The following HEXIM1 variants were observed in gnomAD, a reference collection of about 807,000 sequenced individuals.
HEXIM1 encodes protein HEXIM1.
HEXIM1 carries 1 observed loss-of-function variant against 30.3 expected under a neutral mutation model. That is an observed-to-expected ratio of 0.03 (90% CI 0.01 to 0.16). HEXIM1 has a LOEUF of 0.16. Among genes scored for constraint, HEXIM1 ranks in the 10% least tolerant of loss-of-function variants. HEXIM1 has a pLI of 1.00. For missense variants in HEXIM1, 391 were observed against 476.4 expected (o/e 0.82, Z 1.67); for synonymous variants, 245 against 208.3 (o/e 1.18, Z -1.52).
At position 45,149,880 on chromosome 17, in the gene HEXIM1, C is replaced by T. The variant is rs1310051747; in HGVS notation, c.690C>T (p.Ala230=). ...LKTGLYSKRA[A]AKSDDTSDDD... ...CCGGCCTGTACTCCAAGCGGGCCGC[C>T]GCCAAATCCGACGACACCAGCGATG... The change falls in exon 1 of 1, where the codon GCC becomes GCT. Residue 230 remains alanine, a synonymous_variant. Coordinates refer to ENST00000332499, the MANE Select transcript of HEXIM1 (RefSeq NM_006460.3). This position sits in a 1 kb window ranked among gnomAD's most constrained non-coding sequence, Gnocchi z 5.3. The T allele has an allele frequency of 1.2e-6, 2 of 1,613,564 alleles. No homozygotes were observed. Among genetic ancestry groups the T allele is most frequent in the Non-Finnish European group, 1.7e-6 (2 of 1,180,020 alleles).
chr17:45,150,255 C>T lies in HEXIM1; in HGVS notation c.1065C>T (p.Ser355=), dbSNP rs1008422009. 1.2e-6 allele frequency: 2 copies of T among 1,608,848 alleles called. No individual in the cohort carries two copies. The highest frequency in any genetic ancestry group is 1.7e-6 in the Non-Finnish European group (2 of 1,176,606). ...GGCAGCAGGAGCGAGCGCCGCTTTC[C>T]AAGTTTGGAGACTAGACTGAAACTT... is the stretch of plus-strand genomic sequence containing the variant. ...LHRQQERAPL[S]KFGD is the part of the protein sequence containing the mutation. Residue 355 remains serine (S), a synonymous_variant, in exon 1 of 1, where the codon TCC becomes TCT. Coordinates refer to ENST00000332499, the MANE Select transcript of HEXIM1 (RefSeq NM_006460.3).
In HEXIM1 at chr17:45,149,837, A is replaced by G. The variant is rs908824824; in HGVS notation, c.647A>G (p.Glu216Gly). 42 of 1,613,698 alleles carry G rather than the reference A, an allele frequency of 2.6e-5. No individual in the cohort carries two copies. The highest frequency in any genetic ancestry group is 3.6e-5 in the Non-Finnish European group (42 of 1,179,998). ...TQFLMDDHDQ[E>G]EPDLKTGLYS... ...TTCCTCATGGATGATCACGACCAGG[A>G]GGAGCCGGATCTCAAAACCGGCCTG... Residue 216 changes from glutamate (E) to glycine (G), a missense_variant, in exon 1 of 1, where the codon GAG becomes GGG. Coordinates refer to ENST00000332499, the MANE Select transcript of HEXIM1 (RefSeq NM_006460.3). This position sits in a 1 kb window ranked among gnomAD's most constrained non-coding sequence, Gnocchi z 5.3.
chr17:45,149,856 C>T lies in HEXIM1; in HGVS notation c.666C>T (p.Thr222=), dbSNP rs769841685. ...DHDQEEPDLK[T]GLYSKRAAAK... ...ACCAGGAGGAGCCGGATCTCAAAACCGGCCTGTACTCCAAGCGGGCCGCCG... is the reference window on the plus strand; with the variant it reads ...ACCAGGAGGAGCCGGATCTCAAAACTGGCCTGTACTCCAAGCGGGCCGCCG... The change falls in exon 1 of 1, where the codon ACC becomes ACT. Residue 222 remains threonine (T), a synonymous_variant. Coordinates refer to ENST00000332499, the MANE Select transcript of HEXIM1 (RefSeq NM_006460.3). The surrounding 1 kb of genome is among the most constrained non-coding windows in gnomAD (Gnocchi z 5.3). 2 of 1,613,636 alleles carry T rather than the reference C, an allele frequency of 1.2e-6. No individual in the cohort carries two copies. Among genetic ancestry groups the T allele is most frequent in the South Asian group, 1.1e-5 (1 of 91,080 alleles).
chr17:45,149,490 C>A lies in HEXIM1; in HGVS notation c.300C>A (p.Gly100=). 6.2e-7 allele frequency: 1 copy of A among 1,610,120 alleles called. No individual in the cohort carries two copies. Among genetic ancestry groups the A allele is most frequent in the Non-Finnish European group, 8.5e-7 (1 of 1,178,798 alleles). The change falls in exon 1 of 1, where the codon GGC becomes GGA. Residue 100 remains glycine, a synonymous_variant. Transcript: ENST00000332499. This position sits in a 1 kb window ranked among gnomAD's most constrained non-coding sequence, Gnocchi z 5.3. ...KGQNGDDSSA[G]GDFPPPAEVE... is the part of the protein sequence containing the mutation. ...AGAATGGGGACGACTCGTCCGCTGG[C>A]GGCGACTTCCCGCCGCCGGCAGAAG...
rs1567917516 is a variant in HEXIM1, at chr17:45,148,922, T to C, written c.-269T>C. The C allele has an allele frequency of 4.3e-6, 2 of 470,146 alleles. No homozygotes were observed. Among genetic ancestry groups the C allele is most frequent in the East Asian group, 6.4e-5 (2 of 31,346 alleles). The allele number at this position is 470,146 out of a possible 1,614,324, so 29.1% of individuals were successfully genotyped here. A position where few individuals can be genotyped will look rare whatever the true frequency, so the allele number is the denominator to read the frequency against. ...AGGTTTGAGGCCCACCTCCGCCCAT[T>C]ACGTACTGTTCCTGCCGCTGCACCC... On this transcript the variant is annotated 5_prime_UTR_variant, in exon 1 of 1. Coordinates refer to ENST00000332499, the MANE Select transcript of HEXIM1 (RefSeq NM_006460.3).
At position 45,150,549 on chromosome 17, in the gene HEXIM1, T is replaced by A; in HGVS notation, c.*279T>A. 2.5e-6 allele frequency: 1 copy of A among 393,550 alleles called. No individual in the cohort carries two copies. The allele number at this position is 393,550 out of a possible 1,614,324, so 24.4% of individuals were successfully genotyped here. ...ATTTGACCAAGTTATAATGCATTTT[T>A]GTTTTTAACAAATCCCCTCCTTAAA... is the stretch of plus-strand genomic sequence containing the variant. On this transcript the variant is annotated 3_prime_UTR_variant, in exon 1 of 1. Transcript: ENST00000332499.
In HEXIM1 at chr17:45,149,922, A is replaced by G; in HGVS notation, c.732A>G (p.Glu244=). 6.2e-7 allele frequency: 1 copy of G among 1,613,772 alleles called. No individual in the cohort carries two copies. Among genetic ancestry groups the G allele is most frequent in the Non-Finnish European group, 8.5e-7 (1 of 1,180,010 alleles). The change falls in exon 1 of 1, where the codon GAA becomes GAG. Residue 244 remains glutamate, a synonymous_variant. Coordinates refer to ENST00000332499, the MANE Select transcript of HEXIM1 (RefSeq NM_006460.3). The surrounding 1 kb of genome is among the most constrained non-coding windows in gnomAD (Gnocchi z 5.3). ...DDTSDDDFME[E]GGEEDGGSDG... is the part of the protein sequence containing the mutation. ...CCAGCGATGACGACTTCATGGAAGA[A>G]GGGGGTGAGGAGGATGGGGGCAGCG...
chr17:45,149,926 G>T lies in HEXIM1; in HGVS notation c.736G>T (p.Gly246Cys). 1 of 1,613,902 alleles carries T rather than the reference G, an allele frequency of 6.2e-7. No homozygotes were observed. Among genetic ancestry groups the T allele is most frequent in the Non-Finnish European group, 8.5e-7 (1 of 1,180,022 alleles). The change falls in exon 1 of 1, where the codon GGT becomes TGT. Residue 246 changes from glycine (G) to cysteine (C), a missense_variant. Physicochemically the swap from Gly to Cys is radical, Grantham distance 159. Transcript: ENST00000332499. The surrounding 1 kb of genome is among the most constrained non-coding windows in gnomAD (Gnocchi z 5.3). ...TSDDDFMEEG[G>C]EEDGGSDGMG... ...CGATGACGACTTCATGGAAGAAGGG[G>T]GTGAGGAGGATGGGGGCAGCGATGG... is the stretch of plus-strand genomic sequence containing the variant.
Position 45,150,378 on chromosome 17 carries a change from CAGAAG to C in HEXIM1, c.*113_*117del. On this transcript the variant is annotated 3_prime_UTR_variant, in exon 1 of 1. Transcript: ENST00000332499. ...AGTGGACCTTTTTATGACACATAAT[CAGAAG>C]AGAAATCCCCCTGGCTTTGGTTTCG... The C allele has an allele frequency of 7.4e-7, 1 of 1,357,316 alleles. No homozygotes were observed. The highest frequency in any genetic ancestry group is 9.9e-7 in the Non-Finnish European group (1 of 1,008,480). 84.1% of individuals were successfully genotyped at this position (1,357,316 alleles called of 1,614,324 possible).
In HEXIM1 at chr17:45,149,111, CTTT is replaced by C; in HGVS notation, c.-74_-72del. The C allele has an allele frequency of 4.3e-6, 4 of 935,048 alleles. No individual in the cohort carries two copies. The highest frequency in any genetic ancestry group is 5.9e-6 in the Non-Finnish European group (4 of 676,080). 57.9% of individuals were successfully genotyped at this position (935,048 alleles called of 1,614,324 possible). ...GTTGGACTGTTTTTTTTTTCTTTTTCTTTTTTTTAAGAAAAACCCATTTTTTTC... is the reference window on the plus strand; with the variant it reads ...GTTGGACTGTTTTTTTTTTCTTTTTCTTTTTAAGAAAAACCCATTTTTTTC... On this transcript the variant is annotated 5_prime_UTR_variant, in exon 1 of 1. Coordinates refer to ENST00000332499, the MANE Select transcript of HEXIM1 (RefSeq NM_006460.3). This position sits in a 1 kb window ranked among gnomAD's most constrained non-coding sequence, Gnocchi z 5.3.
Position 45,150,500 on chromosome 17 carries a change from GT to G in HEXIM1, c.*237del, listed in dbSNP as rs923104639. 2.3e-5 allele frequency: 12 copies of G among 515,134 alleles called. No homozygotes were observed. Among genetic ancestry groups the G allele is most frequent in the Non-Finnish European group, 3.1e-5 (9 of 291,578 alleles). 31.9% of individuals were successfully genotyped at this position (515,134 alleles called of 1,614,324 possible). ...GCTTTTCTTGTTTTCCTTTTTAGAA[GT>G]TTTTTTCCTTAATGTGAAAGTAATT... On this transcript the variant is annotated 3_prime_UTR_variant, in exon 1 of 1. Coordinates refer to ENST00000332499, the MANE Select transcript of HEXIM1 (RefSeq NM_006460.3).
rs768564155 is a variant in HEXIM1 at position 45,150,316 on chromosome 17, G to A, written c.*46G>A. 2 of 1,582,764 alleles carry A rather than the reference G, an allele frequency of 1.3e-6. No individual in the cohort carries two copies. The highest frequency in any genetic ancestry group is 2.7e-5 in the African/African-American group (2 of 73,890). ...GGGGGCAAAGGGGACTTTTTACAGT[G>A]ATGGAATGTAACATTATATACATGT... On this transcript the variant is annotated 3_prime_UTR_variant, in exon 1 of 1. Transcript: ENST00000332499.
rs182433198 is a variant in HEXIM1, at chr17:45,151,368, C to T, written c.*1098C>T. Reference sequence around the variant, plus strand: ...AACTAAAATTAGAAATGTCCCCTCACTGCAGATCAAATGTAAAGCTTCCAG... The same window carrying T: ...AACTAAAATTAGAAATGTCCCCTCATTGCAGATCAAATGTAAAGCTTCCAG... On this transcript the variant is annotated 3_prime_UTR_variant, in exon 1 of 1. Transcript: ENST00000332499. 2 of 167,136 alleles carry T rather than the reference C, an allele frequency of 1.2e-5. No homozygotes were observed. Among genetic ancestry groups the T allele is most frequent in the East Asian group, 3.8e-4 (2 of 5,198 alleles). The allele number at this position is 167,136 out of a possible 1,614,324, so 10.4% of individuals were successfully genotyped here.
In HEXIM1 at chr17:45,149,627, G is replaced by C. The variant is rs756961690; in HGVS notation, c.437G>C (p.Arg146Thr). The C allele has an allele frequency of 1.2e-6, 2 of 1,613,166 alleles. No individual in the cohort carries two copies. The highest frequency in any genetic ancestry group is 2.2e-5 in the South Asian group (2 of 91,074). ...GGEEEWGQQQ[R>T]QLGKKKHRRR... ...GAAGAGGAGTGGGGACAGCAGCAGA[G>C]ACAGCTGGGGAAGAAAAAACATAGG... The change falls in exon 1 of 1, where the codon AGA becomes ACA. Residue 146 changes from arginine (R) to threonine (T), a missense_variant. Physicochemically the swap from Arg to Thr is moderately conservative, Grantham distance 71. Around this residue, in one of 5 missense-constraint regions of HEXIM1, gnomAD observed 230 missense variants for 199.4 expected, o/e 1.15. Transcript: ENST00000332499. This position sits in a 1 kb window ranked among gnomAD's most constrained non-coding sequence, Gnocchi z 5.3.
chr17:45,151,627 G>A lies in HEXIM1; in HGVS notation c.*1357G>A, dbSNP rs187028933. Reference sequence around the variant, plus strand: ...AGTCCTTCACCTGCCCTGTGTCAGTGTCTTCTGAGGGCAATTGCGTTGCTC... The same window carrying A: ...AGTCCTTCACCTGCCCTGTGTCAGTATCTTCTGAGGGCAATTGCGTTGCTC... On this transcript the variant is annotated 3_prime_UTR_variant, in exon 1 of 1. Coordinates refer to ENST00000332499, the MANE Select transcript of HEXIM1 (RefSeq NM_006460.3). 6.0e-6 allele frequency: 1 copy of A among 167,122 alleles called. No individual in the cohort carries two copies. The highest frequency in any genetic ancestry group is 1.5e-5 in the Non-Finnish European group (1 of 68,130). The allele number at this position is 167,122 out of a possible 1,614,324, so 10.4% of individuals were successfully genotyped here. A position where few individuals can be genotyped will look rare whatever the true frequency, so the allele number is the denominator to read the frequency against.
rs934529204 is a variant in HEXIM1, at chr17:45,150,408, G to A, written c.*138G>A. 1 of 496,452 alleles carries A rather than the reference G, an allele frequency of 2.0e-6. No homozygotes were observed. The highest frequency in any genetic ancestry group is 3.4e-6 in the Non-Finnish European group (1 of 290,738). The allele number at this position is 496,452 out of a possible 1,614,324, so 30.8% of individuals were successfully genotyped here. On this transcript the variant is annotated 3_prime_UTR_variant, in exon 1 of 1. Transcript: ENST00000332499. The stretch of plus-strand genomic sequence containing the variant: ...GAGAAATCCCCCTGGCTTTGGTTTC[G>A]TAAATTTAGCTATATGTAGCTTGCG...
Position 45,150,131 on chromosome 17 carries a change from G to C in HEXIM1, c.941G>C (p.Arg314Pro). 6.2e-7 allele frequency: 1 copy of C among 1,613,658 alleles called. No individual in the cohort carries two copies. The highest frequency in any genetic ancestry group is 2.2e-5 in the East Asian group (1 of 44,890). The change falls in exon 1 of 1, where the codon CGG becomes CCG. Residue 314 changes from arginine to proline, a missense_variant. By Grantham distance (103) the Arg-to-Pro change is moderately radical. This residue lies in a region of HEXIM1 where 73 missense variants were observed against 80.9 expected (regional missense o/e 0.90). Coordinates refer to ENST00000332499, the MANE Select transcript of HEXIM1 (RefSeq NM_006460.3). ...ENNRLRLESK[R>P]LGGDDARVRE... ...AACCGGCTGCGGCTGGAGAGCAAGCGGCTGGGTGGCGACGACGCGCGTGTG... is the reference window on the plus strand; with the variant it reads ...AACCGGCTGCGGCTGGAGAGCAAGCCGCTGGGTGGCGACGACGCGCGTGTG...
Position 45,148,582 on chromosome 17 carries a change from G to T in HEXIM1, c.-609G>T, listed in dbSNP as rs532071199. ...GAGGAGGGAGGGAGGAAAAGAGGAG[G>T]AGGCGGAGGAGAACTGAGCAGAGCA... is the stretch of plus-strand genomic sequence containing the variant. On this transcript the variant is annotated 5_prime_UTR_variant, in exon 1 of 1. Transcript: ENST00000332499. The T allele has an allele frequency of 5.0e-6, 2 of 399,470 alleles. No individual in the cohort carries two copies. The highest frequency in any genetic ancestry group is 8.8e-6 in the Non-Finnish European group (2 of 226,550). The allele number at this position is 399,470 out of a possible 1,614,324, so 24.7% of individuals were successfully genotyped here.
rs2055548881 is a variant in HEXIM1, at chr17:45,151,774, A to G, written c.*1504A>G. On this transcript the variant is annotated 3_prime_UTR_variant, in exon 1 of 1. Transcript: ENST00000332499. ...GTACATTTTTCTGGGGAGAAGGTTC[A>G]AGAGATTCATAAGATTGTCAAACTC... 1 of 167,084 alleles carries G rather than the reference A, an allele frequency of 6.0e-6. No homozygotes were observed. Among genetic ancestry groups the G allele is most frequent in the South Asian group, 2.1e-4 (1 of 4,834 alleles). 10.4% of individuals were successfully genotyped at this position (167,084 alleles called of 1,614,324 possible). A position where few individuals can be genotyped will look rare whatever the true frequency, so the allele number is the denominator to read the frequency against.
Sources: allele counts gnomAD v4.1 joint callset, GRCh38; gene constraint gnomAD v4.1.1; regional missense constraint gnomAD v4.1.1; non-coding constraint Gnocchi (gnomAD v3.1); transcripts MANE v1.5; gene names NCBI Gene and HGNC (gene_info 2026-07-23, HGNC 2026-07-21).